ARB2A: variants seen among roughly 807,000 people sequenced by gnomAD.
ARB2A encodes cotranscriptional regulator ARB2A.
chr5:93,947,215 G>A, the ARB2A span, among the ~76,000 whole-genome samples: 3 of 152,188 alleles, frequency 2.0e-5, no homozygotes, highest in East Asian at 3.9e-4. Context: ...GCTTGCTTCT[G>A]CCAGGTGCCC....
At chr5:94,008,092 T>A in the ARB2A span, among the ~76,000 whole-genome samples, 1 of 152,158 alleles carries the variant, frequency 6.6e-6, no homozygotes, top group Non-Finnish European at 1.5e-5. Flanking sequence ...GATCCAGTAC[T>A]TATGTTCACT....
the ARB2A span, among the ~76,000 whole-genome samples, chr5:93,680,346 A>C: frequency 6.6e-6 from 1 of 152,074 alleles, no homozygotes; most frequent in Non-Finnish European, 1.5e-5. Context: ...AAAAATGGAG[A>C]TTCCCCCAAT....
At chr5:93,885,854 C>A in the ARB2A span, among the ~76,000 whole-genome samples, 1 of 151,666 alleles carries the variant, frequency 6.6e-6, no homozygotes, top group African/African-American at 2.4e-5. Context: ...ATACACAGGT[C>A]TTTAGGCCTT....
At chr5:93,897,865 G>A in the ARB2A span, among the ~76,000 whole-genome samples, 43 of 151,898 alleles carry the variant, frequency 2.8e-4, no homozygotes, top group Non-Finnish European at 5.6e-4. Flanking sequence ...TAAGGCATAT[G>A]ATTGGCTTAG....
chr5:93,963,504 A>G, the ARB2A span, among the ~76,000 whole-genome samples: 1 of 152,108 alleles, frequency 6.6e-6, no homozygotes, highest in South Asian at 2.1e-4. Flanking sequence ...TTACTTACGG[A>G]AAATCAAATA....
At chr5:93,738,142 C>T in the ARB2A span, 2 of 198,214 alleles carry the variant, frequency 1.0e-5, no homozygotes, top group South Asian at 1.4e-4. Context: ...AGGCAAAGGA[C>T]TTGAATAGAC....
At chr5:93,957,428 C>A in the ARB2A span, among the ~76,000 whole-genome samples, 3,260 of 152,172 alleles carry the variant, frequency 0.021, 47 homozygotes, top group Non-Finnish European at 0.033. Context: ...TCTGTTCTAA[C>A]TACAAACAAA....
the ARB2A span, among the ~76,000 whole-genome samples, chr5:93,742,152 C>G: frequency 3.9e-5 from 6 of 152,092 alleles, no homozygotes; most frequent in Non-Finnish European, 8.8e-5. Flanking sequence ...GATTCTACCC[C>G]CGACCCCACC....
chr5:94,110,067 G>A, the ARB2A span, among the ~76,000 whole-genome samples: 1 of 151,778 alleles, frequency 6.6e-6, no homozygotes, highest in East Asian at 1.9e-4. Flanking sequence ...TTGTATTTTA[G>A]TAGAGACGGG....
At chr5:93,973,213 GTAGTTCTAACATGAA>G in the ARB2A span, among the ~76,000 whole-genome samples, 2 of 151,808 alleles carry the variant, frequency 1.3e-5, no homozygotes, top group African/African-American at 2.4e-5. Context: ...TGGCCTCCCA[GTAGTTCTAACATGAA>G]TAGTTCTAGG....
chr5:93,942,096 C>A, the ARB2A span, among the ~76,000 whole-genome samples: 1 of 152,086 alleles, frequency 6.6e-6, no homozygotes, highest in African/African-American at 2.4e-5. Context: ...CATGACAGGG[C>A]CAGAAGGTAA....
At chr5:93,920,807 T>C in the ARB2A span, among the ~76,000 whole-genome samples, 3 of 152,110 alleles carry the variant, frequency 2.0e-5, no homozygotes, top group African/African-American at 7.2e-5. Flanking sequence ...TTCGTAGCCA[T>C]CTCCTTTGCT....
the ARB2A span, among the ~76,000 whole-genome samples, chr5:93,909,118 A>C: frequency 6.6e-6 from 1 of 151,120 alleles, no homozygotes; most frequent in Non-Finnish European, 1.5e-5. Context: ...ATATATTTTA[A>C]TTATATAGCA....
At chr5:94,110,580 C>G in the ARB2A span, among the ~76,000 whole-genome samples, 1 of 152,152 alleles carries the variant, frequency 6.6e-6, no homozygotes, top group East Asian at 1.9e-4. Flanking sequence ...CGAAGCAGAT[C>G]CAAAAATACT....
chr5:93,698,151 G>A, the ARB2A span, among the ~76,000 whole-genome samples: 6 of 152,238 alleles, frequency 3.9e-5, no homozygotes, highest in Admixed American at 3.3e-4. Flanking sequence ...ATCTCAAGAC[G>A]GAGCCTGAAG....
the ARB2A span, among the ~76,000 whole-genome samples, chr5:93,681,495 T>C: frequency 6.6e-6 from 1 of 152,092 alleles, no homozygotes; most frequent in Non-Finnish European, 1.5e-5. Flanking sequence ...ACCCACTACT[T>C]TTCTGTGCCT....
At chr5:93,966,125 G>A in the ARB2A span, among the ~76,000 whole-genome samples, 1 of 152,040 alleles carries the variant, frequency 6.6e-6, no homozygotes, top group Non-Finnish European at 1.5e-5. Flanking sequence ...AAACATATGT[G>A]TAAAGTTATA....
chr5:93,892,210 A>C, the ARB2A span, among the ~76,000 whole-genome samples: 1 of 152,150 alleles, frequency 6.6e-6, no homozygotes, highest in East Asian at 1.9e-4. Flanking sequence ...TAGCTGCAAT[A>C]AGCTAGGTTT....
the ARB2A span, chr5:93,739,057 A>T: frequency 6.6e-6 from 1 of 152,166 alleles, no homozygotes; most frequent in South Asian, 2.1e-4. Context: ...TTATCCCTGG[A>T]CTTGAGGTCA....
Sources: gnomAD v4.1 joint callset for allele counts (sites outside exome capture counted in the v4.1 genomes callset) on GRCh38, gnomAD v4.1.1 for gene constraint, MANE v1.5 for transcripts, NCBI Gene and HGNC (gene_info 2026-07-23, HGNC 2026-07-21) for gene names.